The following GAB2 variants were observed in gnomAD, a reference collection of about 807,000 sequenced individuals.
GAB2 encodes the protein GRB2 associated binding protein 2, also known as GRB2-associated-binding protein 2.
In GAB2, 26 loss-of-function variants were observed where a neutral mutation model predicts 65.5. The ratio of observed to expected loss-of-function variants is 0.40; its 90% CI spans 0.29 to 0.55. The LOEUF (loss-of-function observed/expected upper bound fraction) is 0.55, where lower values mean the gene tolerates loss of function less well. Among genes scored for constraint, GAB2 ranks in the 20% least tolerant of loss-of-function variants. The pLI, the probability that GAB2 is intolerant of heterozygous loss-of-function variation, is 0.53. For missense variants in GAB2, 884 were observed against 875.8 expected (o/e 1.01, Z -0.12); for synonymous variants, 321 against 329.6 (o/e 0.97, Z 0.28).
At chr11:78,222,071 C>A in intron 7 of GAB2, 34 bp downstream of exon 7, 3 of 1,424,874 alleles carry the variant, frequency 2.1e-6, no homozygotes, top group South Asian at 2.3e-5. Context: ...AATGGCCCGA[C>A]TCCAAGCTCC....
At chr11:78,370,270 A>AAAAG (rs1402876674) in intron 1 of GAB2, among the ~76,000 whole-genome samples, 1 of 151,056 alleles carries the variant, frequency 6.6e-6, no homozygotes, top group Non-Finnish European at 1.5e-5. Context: ...AAAAAAAAAA[A>AAAAG]AAAAGAAAAG....
chr11:78,222,258 T>C, intron 6 of GAB2, 63 bp from the exon 7 acceptor site: 1 of 1,001,504 alleles, frequency 1.0e-6, no homozygotes, highest in Non-Finnish European at 1.6e-6. Context: ...ATACACACCT[T>C]ATATATAACA....
chr11:78,233,167 G>A (rs1864893851), intron 3 of GAB2, among the ~76,000 whole-genome samples: 1 of 151,716 alleles, frequency 6.6e-6, no homozygotes, highest in African/African-American at 2.4e-5. Flanking sequence ...AGTCTTCTGA[G>A]TAGCTGGGGC....
In GAB2 at chr11:78,250,310, C is replaced by T. The variant is rs115664813; in HGVS notation, c.467G>A (p.Arg156His). 7.3e-5 allele frequency: 117 copies of T among 1,613,480 alleles called. 1 individual carries two copies. In the East Asian group the frequency reaches 2.4e-3, roughly 33 times the overall value. ...SSSSQHLLRE[R>H]KSSAPSHSSQ... ...GGAGTGTGATGGGGCTGAGGACTTG[C>T]GCTCTCGGAGAAGGTGCTGGCTAGA... Residue 156 changes from arginine (R) to histidine (H), a missense_variant, in exon 3 of 10, where the codon CGC becomes CAC. Transcript: ENST00000361507.
intron 1 of GAB2, among the ~76,000 whole-genome samples, chr11:78,284,559 C>T (rs919647632): frequency 6.6e-6 from 1 of 152,200 alleles, no homozygotes; most frequent in African/African-American, 2.4e-5. Context: ...GCCTCACGGT[C>T]TTTAGTCTAG....
At chr11:78,280,560 C>T (rs371815274) in intron 2 of GAB2, 41 bp downstream of exon 2, 1 of 1,528,720 alleles carries the variant, frequency 6.5e-7, no homozygotes, top group African/African-American at 1.4e-5. Context: ...AAGGGCCTCA[C>T]CTCAACCCCC....
At chr11:78,259,846 T>C (rs1406046583) in intron 2 of GAB2, among the ~76,000 whole-genome samples, 3 of 152,092 alleles carry the variant, frequency 2.0e-5, no homozygotes, top group Non-Finnish European at 4.4e-5. Flanking sequence ...AATTCAGAAC[T>C]TACTCCAAGA....
At chr11:78,409,482 G>T (rs549808573) in intron 1 of GAB2, among the ~76,000 whole-genome samples, 3 of 152,332 alleles carry the variant, frequency 2.0e-5, no homozygotes, top group Admixed American at 1.3e-4. Flanking sequence ...TACTTGGGAG[G>T]CTGAGGCAGG....
intron 1 of GAB2, among the ~76,000 whole-genome samples, chr11:78,308,125 T>G (rs963656864): frequency 3.9e-5 from 6 of 152,128 alleles, no homozygotes; most frequent in Non-Finnish European, 5.9e-5. Flanking sequence ...CTATAACACT[T>G]ACAATACAAG....
At chr11:78,390,226 T>A (rs572361978) in intron 1 of GAB2, among the ~76,000 whole-genome samples, 3 of 152,338 alleles carry the variant, frequency 2.0e-5, no homozygotes, top group Non-Finnish European at 4.4e-5. Flanking sequence ...GAAACCAGGC[T>A]TGGCGAGGCT....
rs749379520 is a variant in GAB2, at chr11:78,223,597, G to A, written c.1382C>T (p.Thr461Ile). ...ACCTGCTCGTTCCATGGCCAACAGG[G>A]TGGAAGAACCTGGATTCATGGGCAC... is the stretch of plus-strand genomic sequence containing the variant. ...NYVPMNPGSS[T>I]LLAMERAGDN... is the part of the protein sequence containing the mutation. Residue 461 changes from threonine (T) to isoleucine (I), a missense_variant, in exon 6 of 10, where the codon ACC (threonine) becomes ATC (isoleucine). Physicochemically the swap from Thr to Ile is moderately conservative, Grantham distance 89. Transcript: ENST00000361507. 6.2e-7 allele frequency: 1 copy of A among 1,613,610 alleles called. No homozygotes were observed. The highest frequency in any genetic ancestry group is 1.3e-5 in the African/African-American group (1 of 75,018).
chr11:78,417,802 A>G lies in GAB2; in HGVS notation c.-82T>C, dbSNP rs891553386. 2 of 691,452 alleles carry G rather than the reference A, an allele frequency of 2.9e-6. No individual in the cohort carries two copies. Among genetic ancestry groups the G allele is most frequent in the East Asian group, 1.1e-4 (1 of 8,846 alleles). The allele number at this position is 691,452 out of a possible 1,614,324, so 42.8% of individuals were successfully genotyped here. On this transcript the variant is annotated 5_prime_UTR_variant, in exon 1 of 10. Coordinates refer to ENST00000361507, the MANE Select transcript of GAB2 (RefSeq NM_080491.3). ...GCTGGGGCAGCGGCCGGCGGTGCGC[A>G]GCTCGCGGGAGGCCAGGGGCGGGGC...
intron 1 of GAB2, among the ~76,000 whole-genome samples, chr11:78,291,957 G>A (rs924102807): frequency 2.0e-5 from 3 of 151,882 alleles, no homozygotes; most frequent in African/African-American, 4.8e-5. Context: ...GTGTTCTTCT[G>A]AATAACCACA....
chr11:78,269,808 T>A (rs575627527), intron 2 of GAB2, among the ~76,000 whole-genome samples: 7 of 152,238 alleles, frequency 4.6e-5, no homozygotes, highest in Non-Finnish European at 8.8e-5. Flanking sequence ...TGGTCAGAAC[T>A]TTGGGAATTC....
At chr11:78,288,362 G>A (rs1329382313) in intron 1 of GAB2, among the ~76,000 whole-genome samples, 1 of 124,332 alleles carries the variant, frequency 8.0e-6, no homozygotes, top group African/African-American at 3.2e-5. Context: ...CTGGGCAACA[G>A]AGTGAGACTC....
intron 3 of GAB2, among the ~76,000 whole-genome samples, chr11:78,231,345 G>A (rs1204504160): frequency 6.6e-6 from 1 of 151,588 alleles, no homozygotes; most frequent in Non-Finnish European, 1.5e-5. Context: ...TGGTGTGTGT[G>A]TGTGTGTGTG....
chr11:78,379,801 A>G (rs764855048), intron 1 of GAB2, among the ~76,000 whole-genome samples: 64 of 152,048 alleles, frequency 4.2e-4, no homozygotes, highest in Admixed American at 1.3e-3. Context: ...AGAAACATGA[A>G]TTTCAGTAGT....
chr11:78,359,460 C>T (rs1453871813), intron 1 of GAB2, among the ~76,000 whole-genome samples: 1 of 152,044 alleles, frequency 6.6e-6, no homozygotes, highest in Non-Finnish European at 1.5e-5. Context: ...ACTTTCAATG[C>T]AGAAGTCAAT....
intron 1 of GAB2, among the ~76,000 whole-genome samples, chr11:78,356,789 T>A (rs370097339): frequency 9.2e-5 from 14 of 152,340 alleles, no homozygotes; most frequent in African/African-American, 3.4e-4. Context: ...AAAATGTGGT[T>A]TATAGATACA....
Sources: gnomAD v4.1 joint callset for allele counts (sites outside exome capture counted in the v4.1 genomes callset) on GRCh38, gnomAD v4.1.1 for gene constraint, MANE v1.5 for transcripts, NCBI Gene and HGNC (gene_info 2026-07-23, HGNC 2026-07-21) for gene names.